The following RYR3 variants were observed in gnomAD, a reference collection of about 807,000 sequenced individuals.
RYR3 encodes ryanodine receptor 3, also known as brain ryanodine receptor-calcium release channel.
A neutral mutation model predicts 584.3 loss-of-function variants in RYR3; 207 were observed. The observed-to-expected ratio is 0.35, with a 90% CI of 0.32 to 0.40. The LOEUF (loss-of-function observed/expected upper bound fraction) is 0.40. RYR3 is among the 10% of genes least tolerant of loss of function. The pLI is 1.00. For synonymous variants in RYR3, 2,416 were observed against 2,248.5 expected, an observed-to-expected ratio of 1.07 and a Z score of -2.11; for missense variants, 5,616 against 6,089.2, an observed-to-expected ratio of 0.92 and a Z score of 2.59.
At chr15:33,486,908 G>A (rs2050478468) in intron 2 of RYR3, among the ~76,000 whole-genome samples, 1 of 152,046 alleles carries the variant, frequency 6.6e-6, no homozygotes, top group South Asian at 2.1e-4. Context: ...AGAACTTTGG[G>A]ATGGATGGCT....
chr15:33,316,285 C>T (rs185031217), intron 1 of RYR3, among the ~76,000 whole-genome samples: 156 of 152,144 alleles, frequency 1.0e-3, no homozygotes, highest in African/African-American at 3.3e-3. Flanking sequence ...TTTTATAATT[C>T]GACTTTTTCT....
In RYR3 at chr15:33,611,275, G is replaced by A. The variant is rs368214409; in HGVS notation, c.2165-1908G>A. ...GTTTGAATAAAAAGTGTGTGTGTGGGGCTGGGCGCGGTGGCTCACGCCTGT... is the reference window on the plus strand; with the variant it reads ...GTTTGAATAAAAAGTGTGTGTGTGGAGCTGGGCGCGGTGGCTCACGCCTGT... On this transcript the variant is annotated intron_variant, in intron 18 of 103. Coordinates refer to ENST00000634891, the MANE Select transcript of RYR3 (RefSeq NM_001036.6). 5.9e-5 allele frequency among the ~76,000 whole-genome samples: 9 copies of A among 152,240 alleles called. No homozygotes were observed. The East Asian group carries it at 1.5e-3, about 26-fold the overall frequency.
intron 1 of RYR3, among the ~76,000 whole-genome samples, chr15:33,313,948 C>T (rs957637466): frequency 3.3e-5 from 5 of 152,154 alleles, no homozygotes; most frequent in Admixed American, 3.3e-4. Flanking sequence ...GTGAAATGAG[C>T]CAGAATTACT....
At chr15:33,862,328 C>G (rs1215372473) in intron 102 of RYR3, among the ~76,000 whole-genome samples, 1 of 152,032 alleles carries the variant, frequency 6.6e-6, no homozygotes, top group Non-Finnish European at 1.5e-5. Flanking sequence ...TCCGCCTCAG[C>G]CTCCTGAGTA....
At chr15:33,323,538 A>G (rs1969288622) in intron 1 of RYR3, among the ~76,000 whole-genome samples, 1 of 151,954 alleles carries the variant, frequency 6.6e-6, no homozygotes, top group Non-Finnish European at 1.5e-5. Flanking sequence ...CTCTTCAATG[A>G]TATGGGGAGG....
intron 3 of RYR3, among the ~76,000 whole-genome samples, chr15:33,523,317 G>C (rs1212698786): frequency 2.6e-5 from 4 of 152,154 alleles, no homozygotes; most frequent in Admixed American, 6.5e-5. Context: ...GCTTTTCACG[G>C]TAAATCTTGC....
chr15:33,755,203 C>A, intron 58 of RYR3, 23 bp downstream of exon 58: 1 of 1,285,900 alleles, frequency 7.8e-7, no homozygotes, highest in Non-Finnish European at 1.1e-6. Flanking sequence ...ATGAAATAAC[C>A]CAAAAGAATT....
chr15:33,659,690 G>T lies in RYR3; in HGVS notation c.4309-30G>T, dbSNP rs763425336. ...AGCTGTGTTGTTTGTCCAGCTCTGG[G>T]CAAAGCTTTCGATTTGTTTTGATTT... On this transcript the variant is annotated intron_variant, in intron 32 of 103. Coordinates refer to ENST00000634891, the MANE Select transcript of RYR3 (RefSeq NM_001036.6). 2.1e-5 allele frequency: 31 copies of T among 1,481,152 alleles called. No homozygotes were observed. In the East Asian group the frequency reaches 3.8e-4, roughly 18 times the overall value. The allele number at this position is 1,481,152 out of a possible 1,614,324, so 91.8% of individuals were successfully genotyped here. A position where few individuals can be genotyped will look rare whatever the true frequency, so the allele number is the denominator to read the frequency against.
intron 3 of RYR3, among the ~76,000 whole-genome samples, chr15:33,525,784 A>G (rs1169036581): frequency 6.6e-6 from 1 of 152,202 alleles, no homozygotes; most frequent in Non-Finnish European, 1.5e-5. Flanking sequence ...TGTCACTTGT[A>G]TCAAAGGAAA....
intron 3 of RYR3, among the ~76,000 whole-genome samples, chr15:33,514,613 T>C (rs1284198966): frequency 7.5e-6 from 1 of 133,366 alleles, no homozygotes; most frequent in Non-Finnish European, 1.7e-5. Flanking sequence ...AATGCATTAC[T>C]TTTTTTTTTT....
chr15:33,751,071 T>A (rs2071252640), intron 57 of RYR3, among the ~76,000 whole-genome samples: 1 of 152,228 alleles, frequency 6.6e-6, no homozygotes, highest in Non-Finnish European at 1.5e-5. Flanking sequence ...AACTCATCCT[T>A]TTTTATGGCT....
intron 91 of RYR3, among the ~76,000 whole-genome samples, chr15:33,843,255 G>A (rs935870530): frequency 3.9e-5 from 6 of 152,072 alleles, no homozygotes; most frequent in African/African-American, 1.2e-4. Flanking sequence ...GGGAGGTGGA[G>A]CTTGCAGTGA....
chr15:33,584,321 C>A, intron 14 of RYR3, 74 bp from the exon 15 acceptor site: 2 of 757,278 alleles, frequency 2.6e-6, no homozygotes, highest in South Asian at 1.7e-5. Flanking sequence ...GTGAAATATT[C>A]GACAGCTTTC....
At chr15:33,513,574 G>A (rs2053228299) in intron 3 of RYR3, among the ~76,000 whole-genome samples, 1 of 152,240 alleles carries the variant, frequency 6.6e-6, no homozygotes. Context: ...GAAAGCTGAA[G>A]GCAGAATGCT....
chr15:33,555,350 G>A (rs776148385), intron 10 of RYR3, among the ~76,000 whole-genome samples: 1 of 152,186 alleles, frequency 6.6e-6, no homozygotes, highest in Non-Finnish European at 1.5e-5. Flanking sequence ...GGGAGGGTAT[G>A]GAGCAAAGGA....
At chr15:33,330,115 C>T (rs1241738127) in intron 1 of RYR3, among the ~76,000 whole-genome samples, 1 of 152,140 alleles carries the variant, frequency 6.6e-6, no homozygotes, top group Admixed American at 6.5e-5. Flanking sequence ...TCTATGGAGG[C>T]ACCATCCTAA....
At chr15:33,569,678 CA>C (rs1472776880) in intron 12 of RYR3, among the ~76,000 whole-genome samples, 6 of 152,008 alleles carry the variant, frequency 3.9e-5, no homozygotes, top group African/African-American at 1.4e-4. Flanking sequence ...ATCTGTTTTC[CA>C]AAGTGGATGT....
In RYR3 at chr15:33,634,771, C is replaced by T. The variant is rs2061424395; in HGVS notation, c.3175+38C>T. 5 of 1,585,070 alleles carry T rather than the reference C, an allele frequency of 3.2e-6. No homozygotes were observed. The East Asian group carries it at 1.1e-4, about 35-fold the overall frequency. Reference sequence around the variant, plus strand: ...GAGTGTTTATTCTGGCCCCAGTTTACTAAACAGGTCCTCTTCTTGGGGCAT... The same window carrying T: ...GAGTGTTTATTCTGGCCCCAGTTTATTAAACAGGTCCTCTTCTTGGGGCAT... On this transcript the variant is annotated intron_variant, in intron 25 of 103. Transcript: ENST00000634891.
chr15:33,742,610 A>G (rs544764470), intron 52 of RYR3, among the ~76,000 whole-genome samples, 166 bp downstream of exon 52: 12 of 152,330 alleles, frequency 7.9e-5, no homozygotes, highest in African/African-American at 2.4e-4. Context: ...GTGGAGGTCA[A>G]AGAAATAGGT....
Sources: gnomAD v4.1 joint callset for allele counts (sites outside exome capture counted in the v4.1 genomes callset) on GRCh38, gnomAD v4.1.1 for gene constraint, MANE v1.5 for transcripts, NCBI Gene and HGNC (gene_info 2026-07-23, HGNC 2026-07-21) for gene names.